Variants in POGZ observed in about 807,000 individuals in gnomAD.
POGZ encodes the protein pogo transposable element derived with ZNF domain, also known as pogo transposable element with ZNF domain.
A neutral mutation model predicts 134.6 loss-of-function variants in POGZ; 17 were observed. That is an observed-to-expected ratio of 0.13 (90% CI 0.09 to 0.19). POGZ has a LOEUF of 0.19. Ranked by LOEUF, POGZ falls within the 10% of genes least tolerant of loss-of-function variation. The pLI, the probability that POGZ is intolerant of heterozygous loss-of-function variation, is 1.00. For missense variants in POGZ, 1,306 were observed against 1,769.7 expected (o/e 0.74, Z 4.70); for synonymous variants, 693 against 657.1 (o/e 1.05, Z -0.84).
Position 151,430,652 on chromosome 1 carries a change from A to G in POGZ, c.459+14T>C, listed in dbSNP as rs1658535552. 1.3e-6 allele frequency: 2 copies of G among 1,590,804 alleles called. No individual in the cohort carries two copies. Among genetic ancestry groups the G allele is most frequent in the East Asian group, 2.3e-5 (1 of 42,774 alleles). On this transcript the variant is annotated intron_variant, in intron 4 of 18. Coordinates refer to ENST00000271715, the MANE Select transcript of POGZ (RefSeq NM_015100.4). ...CTCTCCTCTAGCAACCTTGGAATTC[A>G]GAGTCCTACTCACCTGCGTAGTGAT... is the stretch of plus-strand genomic sequence containing the variant.
intron 1 of POGZ, among the ~76,000 whole-genome samples, chr1:151,450,371 T>C (rs891878108): frequency 1.3e-5 from 2 of 151,910 alleles, no homozygotes; most frequent in Admixed American, 6.6e-5. Context: ...CTGACAACTT[T>C]TAGGTCACAG....
chr1:151,446,185 A>C (rs1205578160), intron 1 of POGZ, among the ~76,000 whole-genome samples: 1 of 150,942 alleles, frequency 6.6e-6, no homozygotes, highest in Non-Finnish European at 1.5e-5. Context: ...CTCAAAAAAA[A>C]AAAAAAGATC....
Position 151,408,249 on chromosome 1 carries a change from GA to G in POGZ, c.2235-10del, listed in dbSNP as rs112072925. On this transcript the variant is annotated splice_polypyrimidine_tract_variant and intron_variant, in intron 14 of 18. Transcript: ENST00000271715. ...GCCGGCCCATGACACTCCTGTGGGGGAAAAAAAAAAAGAATTCTCATTACTG... is the reference window on the plus strand; with the variant it reads ...GCCGGCCCATGACACTCCTGTGGGGGAAAAAAAAAAGAATTCTCATTACTG... 33,584 of 991,920 alleles carry G rather than the reference GA, an allele frequency of 0.034. 4 individuals carry two copies. The highest frequency in any genetic ancestry group is 0.056 in the South Asian group (2,871 of 51,306). 61.4% of individuals were successfully genotyped at this position (991,920 alleles called of 1,614,324 possible).
At chr1:151,419,844 AG>A (rs1450119047) in intron 10 of POGZ, among the ~76,000 whole-genome samples, 1 of 152,200 alleles carries the variant, frequency 6.6e-6, no homozygotes, top group African/African-American at 2.4e-5. Context: ...GGAAACCAAG[AG>A]AAAAAAGATC....
At chr1:151,456,230 A>G (rs1231116208) in intron 1 of POGZ, among the ~76,000 whole-genome samples, 1 of 152,196 alleles carries the variant, frequency 6.6e-6, no homozygotes, top group African/African-American at 2.4e-5. Context: ...CCATCTTCCA[A>G]ATAACATATT....
intron 12 of POGZ, among the ~76,000 whole-genome samples, chr1:151,410,505 A>G (rs970190790): frequency 1.3e-5 from 2 of 152,018 alleles, no homozygotes; most frequent in Admixed American, 6.6e-5. Flanking sequence ...TAAGGTTAAG[A>G]CTCTTCTGGT....
chr1:151,438,631 A>G (rs1291762368), intron 3 of POGZ, among the ~76,000 whole-genome samples: 1 of 152,168 alleles, frequency 6.6e-6, no homozygotes, highest in Non-Finnish European at 1.5e-5. Context: ...TAATCCCAGC[A>G]CTTTGGGAGG....
chr1:151,458,953 G>T, intron 1 of POGZ, among the ~76,000 whole-genome samples, 199 bp downstream of exon 1: 1 of 143,766 alleles, frequency 7.0e-6, no homozygotes, highest in East Asian at 2.1e-4. Flanking sequence ...GCCGCACCCC[G>T]CGGCCGCCCC....
intron 3 of POGZ, among the ~76,000 whole-genome samples, chr1:151,437,479 C>CAGTG (rs1199304031): frequency 5.3e-5 from 8 of 152,106 alleles, no homozygotes; most frequent in Non-Finnish European, 7.3e-5. Flanking sequence ...TGGTGGGGAG[C>CAGTG]AGTGGCTCAT....
intron 1 of POGZ, 57 bp from the exon 2 acceptor site, chr1:151,442,262 T>C: frequency 6.6e-7 from 1 of 1,517,838 alleles, no homozygotes; most frequent in Non-Finnish European, 9.0e-7. Context: ...TATTGCTTTA[T>C]ACCAAATATG....
chr1:151,427,563 T>C (rs1025602492), intron 7 of POGZ: 5 of 408,284 alleles, frequency 1.2e-5, no homozygotes, highest in African/African-American at 4.0e-5. Context: ...TCCATGAAGT[T>C]ATCTTTCATT....
intron 7 of POGZ, among the ~76,000 whole-genome samples, chr1:151,425,584 A>C (rs77255856): frequency 0.015 from 2,256 of 152,200 alleles, 50 homozygotes; most frequent in African/African-American, 0.05. Context: ...TAGGTACCTC[A>C]AGTAAGTGGA....
At position 151,459,472 on chromosome 1, in the gene POGZ, C is replaced by T. The variant is rs1352923820; in HGVS notation, c.-322G>A. On this transcript the variant is annotated 5_prime_UTR_variant, in exon 1 of 19. Transcript: ENST00000271715. ...AGAGACGCCGACTCCCCCCACCGAC[C>T]CTCTCGCCCCGCGGAGGGATACGGC... The T allele has an allele frequency of 1.3e-5, 2 of 152,258 alleles. No homozygotes were observed. The highest frequency in any genetic ancestry group is 2.4e-5 in the African/African-American group (1 of 41,420). The allele number at this position is 152,258 out of a possible 1,614,324, so 9.4% of individuals were successfully genotyped here. A position where few individuals can be genotyped will look rare whatever the true frequency, so the allele number is the denominator to read the frequency against.
At chr1:151,419,024 CAAAAAAAAA>C (rs71090164) in intron 10 of POGZ, among the ~76,000 whole-genome samples, 1 of 52,162 alleles carries the variant, frequency 1.9e-5, no homozygotes, top group Non-Finnish European at 3.9e-5. Context: ...AGCTCTGTCT[CAAAAAAAAA>C]AAAAAAAAAA....
rs200582720 is a variant in POGZ at position 151,411,829 on chromosome 1, TA to T, written c.1780-59del. The T allele has an allele frequency of 2.1e-3, 2,838 of 1,358,402 alleles. 39 individuals carry two copies. The African/African-American group carries it at 0.031, about 15-fold the overall frequency. 84.1% of individuals were successfully genotyped at this position (1,358,402 alleles called of 1,614,324 possible). On this transcript the variant is annotated intron_variant, in intron 11 of 18. Transcript: ENST00000271715. ...AATGAAGTGAACAACTGAGAGGCCT[TA>T]AAAAAAAAGGTAGCAACAAAAATTT...
intron 1 of POGZ, among the ~76,000 whole-genome samples, chr1:151,445,910 G>C (rs1448640754): frequency 6.6e-6 from 1 of 151,932 alleles, no homozygotes; most frequent in African/African-American, 2.4e-5. Context: ...GATCCTTCTT[G>C]TAGTTTTCTA....
chr1:151,447,523 C>T (rs1364392715), intron 1 of POGZ, among the ~76,000 whole-genome samples: 4 of 151,816 alleles, frequency 2.6e-5, no homozygotes, highest in African/African-American at 9.7e-5. Flanking sequence ...ACAATCTCAG[C>T]TCACTGCAAC....
At chr1:151,448,924 G>C (rs1021788168) in intron 1 of POGZ, among the ~76,000 whole-genome samples, 13 of 152,192 alleles carry the variant, frequency 8.5e-5, no homozygotes, top group Admixed American at 7.9e-4. Flanking sequence ...TTGAACACAA[G>C]ATATAGACAG....
chr1:151,439,929 A>G (rs891670822), intron 3 of POGZ, among the ~76,000 whole-genome samples: 4 of 152,216 alleles, frequency 2.6e-5, no homozygotes, highest in Non-Finnish European at 5.9e-5. Flanking sequence ...CCCATTGTTA[A>G]TAAGTTAATC....
Sources: gnomAD v4.1 joint callset for allele counts (sites outside exome capture counted in the v4.1 genomes callset) on GRCh38, gnomAD v4.1.1 for gene constraint, MANE v1.5 for transcripts, NCBI Gene and HGNC (gene_info 2026-07-23, HGNC 2026-07-21) for gene names.